CIT: variants seen among roughly 807,000 people sequenced by gnomAD.
The protein encoded by CIT is citron rho-interacting serine/threonine kinase.
A neutral mutation model predicts 272.7 loss-of-function variants in CIT; 79 were observed. The observed-to-expected ratio is 0.29, with a 90% confidence interval of 0.24 to 0.35. The LOEUF (loss-of-function observed/expected upper bound fraction) is 0.35. Ranked by LOEUF, CIT falls within the 10% of genes least tolerant of loss-of-function variation. CIT has a pLI of 1.00. For synonymous variants in CIT, 948 were observed against 995.6 expected (o/e 0.95, Z 0.90); for missense variants, 1,909 against 2,618.3 (o/e 0.73, Z 5.91).
chr12:119,779,312 C>T (rs1403720211), intron 13 of CIT, among the ~76,000 whole-genome samples: 2 of 152,076 alleles, frequency 1.3e-5, no homozygotes, highest in Non-Finnish European at 2.9e-5. Context: ...CAAGCAGAGC[C>T]ATATTATGGC....
In CIT at chr12:119,716,127, C is replaced by T. The variant is rs11064883; in HGVS notation, c.4169-1793G>A. Among the ~76,000 whole-genome samples the T allele has an allele frequency of 4.6e-5, 7 of 152,104 alleles. No homozygotes were observed. The East Asian group carries it at 1.4e-3, about 29-fold the overall frequency. On this transcript the variant is annotated intron_variant, in intron 32 of 47. Coordinates refer to ENST00000392521, the MANE Select transcript of CIT (RefSeq NM_001206999.2). ...GCACAGTGGCTCAAACCTGTAATGC[C>T]AGCACTCTGGGAGGCCAAGGCAAGT...
intron 23 of CIT, among the ~76,000 whole-genome samples, chr12:119,747,420 CAA>C (rs748085699): frequency 6.5e-5 from 6 of 92,874 alleles, no homozygotes; most frequent in Non-Finnish European, 4.4e-5. Context: ...GACTCCATCT[CAA>C]AAAAAAAAAA....
chr12:119,794,456 C>T (rs989203562), intron 10 of CIT, among the ~76,000 whole-genome samples: 4 of 152,180 alleles, frequency 2.6e-5, no homozygotes, highest in Non-Finnish European at 5.9e-5. Context: ...AGCATTGGTT[C>T]TGAGACAGGA....
chr12:119,869,396 A>G (rs541645229), intron 2 of CIT, among the ~76,000 whole-genome samples, 195 bp from the exon 3 acceptor site: 1 of 152,348 alleles, frequency 6.6e-6, no homozygotes, highest in East Asian at 1.9e-4. Context: ...TGATTCCAAG[A>G]CTGTGGGTTT....
At chr12:119,748,206 G>A (rs1440022578) in intron 23 of CIT, among the ~76,000 whole-genome samples, 1 of 152,064 alleles carries the variant, frequency 6.6e-6, no homozygotes, top group Non-Finnish European at 1.5e-5. Context: ...GGAAACCCAG[G>A]AGTCCACAGA....
chr12:119,854,016 A>C (rs960076401), intron 4 of CIT, among the ~76,000 whole-genome samples: 29 of 150,768 alleles, frequency 1.9e-4, no homozygotes, highest in African/African-American at 5.6e-4. Flanking sequence ...GGGAGATCCC[A>C]CCTCTACATA....
intron 27 of CIT, among the ~76,000 whole-genome samples, chr12:119,729,480 A>G (rs1448468420): frequency 6.6e-6 from 1 of 152,010 alleles, no homozygotes; most frequent in African/African-American, 2.4e-5. Flanking sequence ...CATGCAATTT[A>G]TTTTTTTTAG....
At chr12:119,735,634 C>A (rs770451003) in intron 24 of CIT, among the ~76,000 whole-genome samples, 1 of 152,128 alleles carries the variant, frequency 6.6e-6, no homozygotes, top group Non-Finnish European at 1.5e-5. Flanking sequence ...CTGCATGAAA[C>A]GGATGACTTC....
rs183576348 is a variant in CIT, at chr12:119,728,020, G to A, written c.3591+482C>T. Among the ~76,000 whole-genome samples, 1 of 152,132 alleles carries A rather than the reference G, an allele frequency of 6.6e-6. No homozygotes were observed. On this transcript the variant is annotated intron_variant, in intron 28 of 47. Coordinates refer to ENST00000392521, the MANE Select transcript of CIT (RefSeq NM_001206999.2). The surrounding 1 kb of genome is among the most constrained non-coding windows in gnomAD (Gnocchi z 4.3). ...ATGACTAAGTGAAAGCAGCTGATCT[G>A]AAAGGCTACATCCTGTGTGATTCCA...
At chr12:119,788,160 A>C (rs1471211289) in intron 10 of CIT, among the ~76,000 whole-genome samples, 1 of 152,224 alleles carries the variant, frequency 6.6e-6, no homozygotes, top group Non-Finnish European at 1.5e-5. Flanking sequence ...CTTTTTAAAA[A>C]TCTTACTTTT....
intron 12 of CIT, 83 bp from the exon 13 acceptor site, chr12:119,782,720 C>T (rs1340710242): frequency 2.2e-5 from 34 of 1,543,314 alleles, no homozygotes; most frequent in Middle Eastern, 1.7e-4. Flanking sequence ...CTGCAAGCTG[C>T]TTCGCAGACA....
At chr12:119,857,320 T>C (rs974883486) in intron 4 of CIT, among the ~76,000 whole-genome samples, 8 of 152,200 alleles carry the variant, frequency 5.3e-5, no homozygotes, top group Non-Finnish European at 1.2e-4. Context: ...TCAAGAGGAA[T>C]TTGTGAGCCT....
At position 119,742,896 on chromosome 12, in the gene CIT, T is replaced by C. The variant is rs12833297; in HGVS notation, c.2905-432A>G. 6.7e-4 allele frequency: 81 copies of C among 120,886 alleles called. No homozygotes were observed. In the South Asian group the frequency reaches 0.011, roughly 17 times the overall value. The allele number at this position is 120,886 out of a possible 1,614,324, so 7.5% of individuals were successfully genotyped here. Reference sequence around the variant, plus strand: ...ACACACACACACACACACACACACATACACACAGAAACGCACACACAGGAC... The same window carrying C: ...ACACACACACACACACACACACACACACACACAGAAACGCACACACAGGAC... On this transcript the variant is annotated intron_variant, in intron 23 of 47. Transcript: ENST00000392521.
intron 17 of CIT, among the ~76,000 whole-genome samples, chr12:119,771,681 C>A (rs1963165492): frequency 6.6e-6 from 1 of 152,088 alleles, no homozygotes; most frequent in South Asian, 2.1e-4. Flanking sequence ...TGTGAACTAG[C>A]TGGAAGGAAG....
Position 119,728,139 on chromosome 12 carries a change from A to G in CIT, c.3591+363T>C, listed in dbSNP as rs1451296595. Among the ~76,000 whole-genome samples the G allele has an allele frequency of 2.0e-5, 3 of 152,182 alleles. No homozygotes were observed. Among genetic ancestry groups the G allele is most frequent in the Non-Finnish European group, 4.4e-5 (3 of 68,042 alleles). ...AGGGTGGGGAGGGATGAACAGGCAGAGTACAGAGGGTTTTTAGGGCAGTGA... is the reference window on the plus strand; with the variant it reads ...AGGGTGGGGAGGGATGAACAGGCAGGGTACAGAGGGTTTTTAGGGCAGTGA... On this transcript the variant is annotated intron_variant, in intron 28 of 47. Coordinates refer to ENST00000392521, the MANE Select transcript of CIT (RefSeq NM_001206999.2). The surrounding 1 kb of genome is among the most constrained non-coding windows in gnomAD (Gnocchi z 4.3).
rs567109921 is a variant in CIT, at chr12:119,782,849, G to A, written c.1546-212C>T. 23 of 488,746 alleles carry A rather than the reference G, an allele frequency of 4.7e-5. No individual in the cohort carries two copies. The East Asian group carries it at 8.0e-4, about 17-fold the overall frequency. The allele number at this position is 488,746 out of a possible 1,614,324, so 30.3% of individuals were successfully genotyped here. On this transcript the variant is annotated intron_variant, in intron 12 of 47. Transcript: ENST00000392521. ...CATCATCTCAACCTGGTGACCTTAGGGATCCAGCCGGAAACTGCATCAGCC... is the reference window on the plus strand; with the variant it reads ...CATCATCTCAACCTGGTGACCTTAGAGATCCAGCCGGAAACTGCATCAGCC...
At chr12:119,727,645 C>G (rs1250088232) in intron 28 of CIT, among the ~76,000 whole-genome samples, 2 of 152,186 alleles carry the variant, frequency 1.3e-5, no homozygotes, top group Non-Finnish European at 2.9e-5. Flanking sequence ...CAAGTCCAGG[C>G]AGGGCACGGG....
intron 5 of CIT, among the ~76,000 whole-genome samples, chr12:119,849,352 G>A (rs1335198126): frequency 2.0e-5 from 3 of 151,372 alleles, no homozygotes; most frequent in Admixed American, 1.3e-4. Flanking sequence ...TCTTGAACCT[G>A]GGAGGTGGAG....
intron 3 of CIT, among the ~76,000 whole-genome samples, chr12:119,865,193 A>G (rs1250793424): frequency 2.0e-5 from 3 of 152,306 alleles, no homozygotes; most frequent in African/African-American, 7.2e-5. Flanking sequence ...AAAAAAATCT[A>G]CATTCCACTA....
Sources: allele counts gnomAD v4.1 joint callset (sites outside exome capture counted in the v4.1 genomes callset), GRCh38; gene constraint gnomAD v4.1.1; non-coding constraint Gnocchi (gnomAD v3.1); transcripts MANE v1.5; gene names NCBI Gene and HGNC (gene_info 2026-07-23, HGNC 2026-07-21).